Variants in GLB1L3 observed in about 807,000 individuals in gnomAD.
GLB1L3 encodes the protein beta-galactosidase-1-like protein 3.
GLB1L3 carries 89 observed loss-of-function variants against 89.5 expected under a neutral mutation model. The ratio of observed to expected loss-of-function variants is 0.99; its 90% CI spans 0.84 to 1.19. GLB1L3 has a LOEUF of 1.19. Ranked by LOEUF, GLB1L3 falls within the 50% of genes most tolerant of loss-of-function variation. The pLI, the probability that GLB1L3 is intolerant of heterozygous loss-of-function variation, is 0.00. For synonymous variants in GLB1L3, 314 were observed against 312.3 expected (o/e 1.01, Z -0.06); for missense variants, 812 against 813.3 (o/e 1.00, Z 0.02).
chr11:134,283,523 G>A (rs1413205259), intron 5 of GLB1L3, among the ~76,000 whole-genome samples: 1 of 152,220 alleles, frequency 6.6e-6, no homozygotes, highest in African/African-American at 2.4e-5. Flanking sequence ...GTGCCTTGGA[G>A]GTGGAGGCGG....
intron 6 of GLB1L3, 38 bp downstream of exon 6, chr11:134,283,883 C>A: frequency 8.3e-7 from 1 of 1,205,116 alleles, no homozygotes; most frequent in Non-Finnish European, 1.2e-6. Flanking sequence ...TCTTACGTGC[C>A]CTTTAGGGAA....
intron 1 of GLB1L3, 182 bp from the exon 2 acceptor site, chr11:134,277,144 C>A (rs2136098377): frequency 1.4e-6 from 1 of 739,122 alleles, no homozygotes; most frequent in South Asian, 1.6e-5. Flanking sequence ...ATCCTGGCTG[C>A]AGAGGACTGG....
At position 134,283,841 on chromosome 11, in the gene GLB1L3, T is replaced by C; in HGVS notation, c.632T>C (p.Leu211Pro). 6.3e-7 allele frequency: 1 copy of C among 1,593,602 alleles called. No individual in the cohort carries two copies. Among genetic ancestry groups the C allele is most frequent in the Non-Finnish European group, 8.6e-7 (1 of 1,162,624 alleles). The change falls in exon 6 of 20, where the codon CTC (leucine) becomes CCC (proline). Residue 211 changes from leucine to proline, a missense_variant. This residue lies in a region of GLB1L3 where 618 missense variants were observed against 604.0 expected (regional missense o/e 1.02). Coordinates refer to ENST00000431683, the MANE Select transcript of GLB1L3 (RefSeq NM_001080407.3). Reference sequence around the variant, plus strand: ...CACCTGATTCCCAGAGTGATTCCTCTCCAGGTAAAGCCAAATTGTCCCCTG... The same window carrying C: ...CACCTGATTCCCAGAGTGATTCCTCCCCAGGTAAAGCCAAATTGTCCCCTG... Reference protein sequence around the residue: ...FDHLIPRVIPLQYRQAGPVIA... With the variant: ...FDHLIPRVIPPQYRQAGPVIA...
chr11:134,306,727 G>A (rs1318897644), intron 9 of GLB1L3, among the ~76,000 whole-genome samples: 1 of 152,258 alleles, frequency 6.6e-6, no homozygotes, highest in Non-Finnish European at 1.5e-5. Context: ...CACTGAAAAT[G>A]CTAGGCTACA....
chr11:134,323,908 T>C (rs898850955), downstream of GLB1L3, among the ~76,000 whole-genome samples: 1 of 152,204 alleles, frequency 6.6e-6, no homozygotes, highest in East Asian at 1.9e-4. Context: ...TTATGTCGTG[T>C]ACTCTGTTTT....
At chr11:134,287,135 T>G (rs569007782) in intron 6 of GLB1L3, 1 of 152,312 alleles carries the variant, frequency 6.6e-6, no homozygotes, top group East Asian at 1.9e-4. Flanking sequence ...CACTCCAGCC[T>G]GGGCGCCAGA....
chr11:134,289,912 G>A (rs973540067), intron 7 of GLB1L3, among the ~76,000 whole-genome samples: 2 of 152,222 alleles, frequency 1.3e-5, no homozygotes, highest in African/African-American at 2.4e-5. Flanking sequence ...GTGCAGGGCT[G>A]CAGGGTTGGC....
intron 13 of GLB1L3, 200 bp from the exon 14 acceptor site, chr11:134,312,149 C>T (rs1942763262): frequency 3.4e-6 from 2 of 580,866 alleles, no homozygotes; most frequent in Non-Finnish European, 6.0e-6. Context: ...CCCTCATCAC[C>T]ATGCCCTGCA....
At chr11:134,307,968 A>G (rs1942277586) in intron 10 of GLB1L3, among the ~76,000 whole-genome samples, 1 of 152,178 alleles carries the variant, frequency 6.6e-6, no homozygotes, top group Admixed American at 6.5e-5. Context: ...AGTATAGAAA[A>G]ACATTGAAAA....
At chr11:134,284,763 GA>G (rs1230097139) in intron 6 of GLB1L3, among the ~76,000 whole-genome samples, 1 of 151,610 alleles carries the variant, frequency 6.6e-6, no homozygotes, top group Non-Finnish European at 1.5e-5. Flanking sequence ...CAAAACTCGG[GA>G]ATTCATATCC....
At chr11:134,300,220 TCTC>T (rs1046241296) in intron 9 of GLB1L3, among the ~76,000 whole-genome samples, 2 of 152,040 alleles carry the variant, frequency 1.3e-5, no homozygotes, top group African/African-American at 2.4e-5. Flanking sequence ...ACGGCTGTCT[TCTC>T]CTCCCTGTGC....
downstream of GLB1L3, among the ~76,000 whole-genome samples, chr11:134,319,740 G>A (rs1943133878): frequency 7.2e-6 from 1 of 138,914 alleles, no homozygotes; most frequent in Non-Finnish European, 1.6e-5. Context: ...GTGTGTGTGT[G>A]TGTGTGTGCG....
intron 9 of GLB1L3, among the ~76,000 whole-genome samples, chr11:134,306,220 T>C (rs1021644415): frequency 3.3e-5 from 5 of 152,198 alleles, no homozygotes; most frequent in Admixed American, 2.6e-4. Flanking sequence ...TGGCATAGGA[T>C]TATAAAATAT....
chr11:134,314,256 C>A, intron 17 of GLB1L3, 74 bp from the exon 18 acceptor site: 2 of 1,045,174 alleles, frequency 1.9e-6, no homozygotes, highest in Non-Finnish European at 2.8e-6. Context: ...TCGGCCCACG[C>A]CACCTGGGGT....
In GLB1L3 at chr11:134,293,153, G is replaced by C; in HGVS notation, c.820G>C (p.Ala274Pro). The change falls in exon 9 of 20, where the codon GCC (alanine) becomes CCC (proline). Residue 274 changes from alanine to proline, a missense_variant. Physicochemically the swap from Ala to Pro is conservative, Grantham distance 27. Transcript: ENST00000431683. The stretch of plus-strand genomic sequence containing the variant: ...CTCTCTTCTTTATGCAGTGTTGGCC[G>C]CCATCAATTTGCAAAAACTTCACCA... Reference protein sequence around the residue: ...LSGHTKGVLAAINLQKLHQDT... With the variant: ...LSGHTKGVLAPINLQKLHQDT... 3 of 1,613,478 alleles carry C rather than the reference G, an allele frequency of 1.9e-6. No homozygotes were observed. Among genetic ancestry groups the C allele is most frequent in the Non-Finnish European group, 2.5e-6 (3 of 1,179,542 alleles).
Position 134,277,366 on chromosome 11 carries a change from C to T in GLB1L3, c.64C>T (p.Leu22=), listed in dbSNP as rs1270181190. The T allele has an allele frequency of 6.2e-7, 1 of 1,613,842 alleles. No individual in the cohort carries two copies. Among genetic ancestry groups the T allele is most frequent in the Non-Finnish European group, 8.5e-7 (1 of 1,179,902 alleles). ...GAAGAGAATGGCGGGCATCTTTTTC[C>T]TGCCATTTATCTCATCAGGTTTTGC... ...SWKRMAGIFF[L]PFISSGFAPR... The change falls in exon 2 of 20, where the codon CTG becomes TTG. Residue 22 remains leucine, a synonymous_variant. Transcript: ENST00000431683.
At chr11:134,299,292 G>C (rs1941816523) in intron 9 of GLB1L3, among the ~76,000 whole-genome samples, 1 of 151,982 alleles carries the variant, frequency 6.6e-6, no homozygotes, top group African/African-American at 2.4e-5. Context: ...TACAACATCT[G>C]TGTCTTATCT....
At chr11:134,290,840 C>T (rs1411451441) in intron 7 of GLB1L3, among the ~76,000 whole-genome samples, 1 of 152,102 alleles carries the variant, frequency 6.6e-6, no homozygotes, top group African/African-American at 2.4e-5. Context: ...CAGCCTCTCC[C>T]CTTCCAGCAC....
At chr11:134,277,953 C>G in intron 3 of GLB1L3, 41 bp downstream of exon 3, 1 of 1,596,484 alleles carries the variant, frequency 6.3e-7, no homozygotes, top group Non-Finnish European at 8.6e-7. Context: ...CGTTACCCTA[C>G]AAGTGCATCC....
Sources: gnomAD v4.1 joint callset for allele counts (sites outside exome capture counted in the v4.1 genomes callset) on GRCh38, gnomAD v4.1.1 for gene constraint, gnomAD v4.1.1 regional missense constraint, MANE v1.5 for transcripts, NCBI Gene and HGNC (gene_info 2026-07-23, HGNC 2026-07-21) for gene names.